The following GLIS3 variants were observed in gnomAD, a reference collection of about 807,000 sequenced individuals.
GLIS3 encodes the protein GLIS family zinc finger 3.
GLIS3 carries 53 observed loss-of-function variants against 78.6 expected under a neutral mutation model. The ratio of observed to expected loss-of-function variants is 0.67; its 90% CI spans 0.54 to 0.85. GLIS3 has a LOEUF of 0.85. Among genes scored for constraint, GLIS3 ranks in the 40% least tolerant of loss-of-function variants. GLIS3 has a pLI of 0.00. For synonymous variants in GLIS3, 684 were observed against 509.9 expected (o/e 1.34, Z -4.60); for missense variants, 1,703 against 1,231.1 (o/e 1.38, Z -5.74).
chr9:4,312,159 GT>G (rs149211539), intron 2 of GLIS3, among the ~76,000 whole-genome samples: 8,762 of 152,100 alleles, frequency 0.058, 819 homozygotes, highest in African/African-American at 0.2. Flanking sequence ...TTTTGTTTTT[GT>G]TTTTTTAAAA....
At chr9:4,035,777 C>G (rs1167289915) in intron 4 of GLIS3, 3 of 152,370 alleles carry the variant, frequency 2.0e-5, no homozygotes, top group Non-Finnish European at 4.4e-5. Flanking sequence ...ATCGGTCTTC[C>G]TGTACTTGAC....
chr9:4,465,188 G>A, the GLIS3 span, among the ~76,000 whole-genome samples: 7 of 152,214 alleles, frequency 4.6e-5, no homozygotes. Context: ...TTCATGACCA[G>A]AGAAAGGATA....
At chr9:4,328,145 C>T (rs1817630214) in intron 2 of GLIS3, among the ~76,000 whole-genome samples, 1 of 152,172 alleles carries the variant, frequency 6.6e-6, no homozygotes, top group African/African-American at 2.4e-5. Context: ...CCCCGGGGAT[C>T]CAGTGCCAGT....
chr9:4,438,227 A>G, the GLIS3 span, among the ~76,000 whole-genome samples: 1 of 152,320 alleles, frequency 6.6e-6, no homozygotes, highest in Non-Finnish European at 1.5e-5. Context: ...TAATGAGGCT[A>G]AAGTAATGAA....
At chr9:4,143,262 G>A (rs1399247835) in intron 2 of GLIS3, among the ~76,000 whole-genome samples, 1 of 151,976 alleles carries the variant, frequency 6.6e-6, no homozygotes, top group East Asian at 1.9e-4. Flanking sequence ...TGTGTGTAGT[G>A]AGAAGTTAAG....
chr9:3,863,449 G>C (rs188343725), intron 8 of GLIS3, among the ~76,000 whole-genome samples: 1 of 152,222 alleles, frequency 6.6e-6, no homozygotes, highest in African/African-American at 2.4e-5. Context: ...ACTGGGGCAG[G>C]GCAAGAGCTG....
At position 3,888,523 on chromosome 9, in the gene GLIS3, C is replaced by G. The variant is rs76303848; in HGVS notation, c.2129-8928G>C. Among the ~76,000 whole-genome samples the G allele has an allele frequency of 3.3e-3, 504 of 152,336 alleles. 2 individuals carry two copies. The highest frequency in any genetic ancestry group is 0.012 in the African/African-American group (491 of 41,574). On this transcript the variant is annotated intron_variant, in intron 7 of 10. Coordinates refer to ENST00000381971, the MANE Select transcript of GLIS3 (RefSeq NM_001042413.2). ...ATCAACTCTGAACTCTCTCAAAGAG[C>G]CTCTCCCTTTCCTAGATGTGTAAAA...
chr9:4,087,338 T>C (rs552374477), intron 4 of GLIS3, among the ~76,000 whole-genome samples: 3 of 152,248 alleles, frequency 2.0e-5, no homozygotes, highest in East Asian at 3.9e-4. Context: ...GAGCCTTAAA[T>C]AGATGCACAT....
intron 4 of GLIS3, among the ~76,000 whole-genome samples, chr9:4,094,320 T>A (rs1162251055): frequency 2.0e-5 from 3 of 152,244 alleles, no homozygotes; most frequent in African/African-American, 7.2e-5. Context: ...CATGCTCATA[T>A]GTGGCTAGTG....
At chr9:4,058,763 G>A (rs945529041) in intron 4 of GLIS3, among the ~76,000 whole-genome samples, 12 of 152,028 alleles carry the variant, frequency 7.9e-5, no homozygotes, top group Non-Finnish European at 1.6e-4. Context: ...GGCGGATCAC[G>A]AGGTCAGGAG....
At chr9:3,937,630 G>A (rs192591353) in intron 4 of GLIS3, among the ~76,000 whole-genome samples, 13 of 152,204 alleles carry the variant, frequency 8.5e-5, no homozygotes, top group Admixed American at 7.9e-4. Flanking sequence ...TGATATATGA[G>A]AAAAAGGAGA....
the GLIS3 span, among the ~76,000 whole-genome samples, chr9:4,378,725 G>T: frequency 6.6e-6 from 1 of 152,178 alleles, no homozygotes; most frequent in South Asian, 2.1e-4. Context: ...AATGAGAAAG[G>T]CACATATTAT....
intron 4 of GLIS3, among the ~76,000 whole-genome samples, chr9:4,091,321 C>T (rs1028797337): frequency 2.6e-5 from 4 of 151,918 alleles, no homozygotes; most frequent in African/African-American, 9.7e-5. Context: ...GGGTCATGAT[C>T]AGATCATCAC....
chr9:4,088,088 G>C (rs776404025), intron 4 of GLIS3, among the ~76,000 whole-genome samples: 2 of 152,132 alleles, frequency 1.3e-5, no homozygotes, highest in Non-Finnish European at 2.9e-5. Context: ...GGCAGATCTG[G>C]GTTTGTCTTC....
intron 4 of GLIS3, among the ~76,000 whole-genome samples, chr9:4,308,413 G>T (rs182612769): frequency 5.3e-5 from 8 of 152,028 alleles, no homozygotes; most frequent in African/African-American, 1.9e-4. Context: ...GGAAGGAAGG[G>T]CGCTGGAGGA....
intron 9 of GLIS3, among the ~76,000 whole-genome samples, chr9:3,832,808 T>G: frequency 6.6e-6 from 1 of 152,206 alleles, no homozygotes; most frequent in East Asian, 1.9e-4. Flanking sequence ...ATAGCACTCC[T>G]CAGCGTAATA....
At chr9:4,180,007 C>T (rs16920867) in intron 2 of GLIS3, among the ~76,000 whole-genome samples, 9,470 of 152,192 alleles carry the variant, frequency 0.062, 448 homozygotes, top group African/African-American at 0.13. Flanking sequence ...GCCTGCATCA[C>T]CTTCTTGGAT....
At chr9:4,128,978 C>A (rs1261467777) in intron 2 of GLIS3, among the ~76,000 whole-genome samples, 2 of 152,250 alleles carry the variant, frequency 1.3e-5, no homozygotes, top group South Asian at 4.1e-4. Context: ...CAAATGGTAT[C>A]CTTGAAGCAT....
chr9:4,224,881 T>C (rs1465271915), intron 2 of GLIS3, among the ~76,000 whole-genome samples: 1 of 152,106 alleles, frequency 6.6e-6, no homozygotes, highest in Non-Finnish European at 1.5e-5. Flanking sequence ...TACCAACCAA[T>C]GTAATGTTCT....
Sources: allele counts gnomAD v4.1 joint callset (sites outside exome capture counted in the v4.1 genomes callset), GRCh38; gene constraint gnomAD v4.1.1; transcripts MANE v1.5; gene names NCBI Gene and HGNC (gene_info 2026-07-23, HGNC 2026-07-21).